The following FAM107B variants were observed in gnomAD, a reference collection of about 807,000 sequenced individuals.
The protein encoded by FAM107B is protein FAM107B.
FAM107B carries 21 observed loss-of-function variants against 31.5 expected under a neutral mutation model. The ratio of observed to expected loss-of-function variants is 0.67; its 90% CI spans 0.47 to 0.96. FAM107B has a LOEUF of 0.96. FAM107B is among the 40% of genes least tolerant of loss of function. The probability of loss-of-function intolerance (pLI) is 0.00; values close to 1 mark genes in which losing one functional copy is unlikely to be tolerated. For missense variants in FAM107B, 452 were observed against 377.1 expected, an observed-to-expected ratio of 1.20 and a Z score of -1.64; for synonymous variants, 157 against 141.5, an observed-to-expected ratio of 1.11 and a Z score of -0.78.
intron 2 of FAM107B, among the ~76,000 whole-genome samples, chr10:14,666,722 C>T (rs1038680047): frequency 6.6e-6 from 1 of 152,084 alleles, no homozygotes; most frequent in Non-Finnish European, 1.5e-5. Context: ...TAAATTAAAG[C>T]AATGTTGGTA....
intron 3 of FAM107B, chr10:14,528,174 GTTTTTTTTT>G (rs34584902): frequency 3.0e-5 from 2 of 67,772 alleles, no homozygotes; most frequent in South Asian, 3.8e-4. Context: ...TTAAGTTTTG[GTTTTTTTTT>G]TTTTTTTTTT....
At chr10:14,647,042 C>T (rs1157762354) in intron 2 of FAM107B, among the ~76,000 whole-genome samples, 7 of 152,040 alleles carry the variant, frequency 4.6e-5, no homozygotes, top group Non-Finnish European at 8.8e-5. Context: ...GATCCGCCTG[C>T]CTCGGCCTCC....
intron 1 of FAM107B, among the ~76,000 whole-genome samples, chr10:14,686,612 TATTTTTGGTAAACCTAC>T (rs1405395073): frequency 5.9e-5 from 9 of 152,214 alleles, no homozygotes; most frequent in Admixed American, 5.9e-4. Flanking sequence ...CAGTAGCGAA[TATTTTTGGTAAACCTAC>T]ATTTTTCTAG....
intron 2 of FAM107B, among the ~76,000 whole-genome samples, chr10:14,582,798 G>A (rs186530821): frequency 1.4e-4 from 22 of 152,164 alleles, no homozygotes; most frequent in Admixed American, 5.2e-4. Context: ...TAAGAAAGAC[G>A]AAACTCGCCG....
intron 2 of FAM107B, among the ~76,000 whole-genome samples, chr10:14,586,396 T>C (rs1468853298): frequency 6.6e-6 from 1 of 152,202 alleles, no homozygotes; most frequent in Admixed American, 6.5e-5. Context: ...ACCTTGGCCA[T>C]GGCTATGGAC....
intron 1 of FAM107B, among the ~76,000 whole-genome samples, chr10:14,708,632 A>G (rs1855572470): frequency 6.6e-6 from 1 of 152,212 alleles, no homozygotes; most frequent in Non-Finnish European, 1.5e-5. Flanking sequence ...AAAATTGATA[A>G]GTTGGACTTC....
intron 1 of FAM107B, among the ~76,000 whole-genome samples, chr10:14,682,790 A>C (rs1023351485): frequency 3.9e-5 from 6 of 152,272 alleles, no homozygotes; most frequent in African/African-American, 1.4e-4. Flanking sequence ...TACCTAATGT[A>C]GATGATGGGC....
intron 2 of FAM107B, among the ~76,000 whole-genome samples, chr10:14,624,630 C>A (rs1409496093): frequency 4.0e-5 from 6 of 151,338 alleles, no homozygotes; most frequent in African/African-American, 1.5e-4. Context: ...AGCAAGACTC[C>A]GTTTCAAAAA....
intron 2 of FAM107B, among the ~76,000 whole-genome samples, chr10:14,640,371 G>A (rs981966258): frequency 4.6e-5 from 7 of 152,212 alleles, no homozygotes; most frequent in African/African-American, 1.7e-4. Flanking sequence ...AATGGTAGAA[G>A]GTGATCAGCT....
At chr10:14,567,874 G>A (rs1850813394) in intron 2 of FAM107B, among the ~76,000 whole-genome samples, 1 of 152,136 alleles carries the variant, frequency 6.6e-6, no homozygotes, top group Non-Finnish European at 1.5e-5. Flanking sequence ...CTCCTAGTTT[G>A]AGCACTGAAA....
At chr10:14,561,507 CGAAGAGGCCT>C (rs370063022) in intron 2 of FAM107B, among the ~76,000 whole-genome samples, 1 of 152,138 alleles carries the variant, frequency 6.6e-6, no homozygotes, top group African/African-American at 2.4e-5. Context: ...GTAGGGACAG[CGAAGAGGCCT>C]GACCAGGTAA....
At chr10:14,739,885 A>T (rs146603569) in intron 1 of FAM107B, among the ~76,000 whole-genome samples, 5 of 152,302 alleles carry the variant, frequency 3.3e-5, no homozygotes, top group Non-Finnish European at 5.9e-5. Context: ...TCCTGATGGC[A>T]CTGTTTGACA....
intron 2 of FAM107B, among the ~76,000 whole-genome samples, chr10:14,665,683 A>T (rs1347625577): frequency 6.6e-6 from 1 of 152,196 alleles, no homozygotes; most frequent in Non-Finnish European, 1.5e-5. Flanking sequence ...AAGCTCCACC[A>T]CTGCCCCTAC....
intron 2 of FAM107B, among the ~76,000 whole-genome samples, chr10:14,664,376 C>T (rs1369637474): frequency 6.6e-6 from 1 of 152,132 alleles, no homozygotes; most frequent in Non-Finnish European, 1.5e-5. Context: ...TCGTATTTAC[C>T]ACTCTAAATA....
chr10:14,770,357 T>C (rs1310889341), intron 1 of FAM107B, among the ~76,000 whole-genome samples: 2 of 151,960 alleles, frequency 1.3e-5, no homozygotes, highest in Non-Finnish European at 2.9e-5. Context: ...AACCCATCTC[T>C]ACTAAAAATA....
intron 1 of FAM107B, among the ~76,000 whole-genome samples, chr10:14,701,833 G>A (rs934919602): frequency 2.6e-5 from 4 of 152,128 alleles, no homozygotes; most frequent in African/African-American, 9.7e-5. Flanking sequence ...TGTGAAAAGA[G>A]CAGGGGAGTC....
intron 2 of FAM107B, among the ~76,000 whole-genome samples, chr10:14,657,529 C>T (rs1317962409): frequency 1.3e-5 from 2 of 152,282 alleles, no homozygotes; most frequent in East Asian, 3.9e-4. Context: ...CCCTGGTCAC[C>T]AGAGAAACAT....
At chr10:14,728,352 C>CT (rs1247873879) in intron 1 of FAM107B, among the ~76,000 whole-genome samples, 25 of 137,990 alleles carry the variant, frequency 1.8e-4, no homozygotes, top group South Asian at 2.4e-4. Context: ...TGTGTGTGTG[C>CT]TTTTTTTTTT....
Position 14,604,346 on chromosome 10 carries a change from G to T in FAM107B, c.469+63288C>A, listed in dbSNP as rs1236990308. On this transcript the variant is annotated intron_variant, in intron 2 of 4. Transcript: ENST00000181796. ...GGCGGCGGCCCGAGGCGGCGCGAGG[G>T]CGGCTCCGGGGGCGGCGGCCCGGCC... is the stretch of plus-strand genomic sequence containing the variant. The T allele has an allele frequency of 4.0e-6, 3 of 751,980 alleles. No homozygotes were observed. The African/African-American group carries it at 5.8e-5, about 14-fold the overall frequency. The allele number at this position is 751,980 out of a possible 1,614,324, so 46.6% of individuals were successfully genotyped here.
Sources: allele counts gnomAD v4.1 joint callset (sites outside exome capture counted in the v4.1 genomes callset), GRCh38; gene constraint gnomAD v4.1.1; transcripts MANE v1.5; gene names NCBI Gene and HGNC (gene_info 2026-07-23, HGNC 2026-07-21).